RGS17: variants seen among roughly 807,000 people sequenced by gnomAD.
RGS17 encodes regulator of G-protein signaling 17.
A neutral mutation model predicts 25.5 loss-of-function variants in RGS17; 12 were observed. That is an observed-to-expected ratio of 0.47 (90% CI 0.30 to 0.76). The LOEUF (loss-of-function observed/expected upper bound fraction) is 0.76. Among genes scored for constraint, RGS17 ranks in the 30% least tolerant of loss-of-function variants. The probability of loss-of-function intolerance (pLI) is 0.07; values close to 1 mark genes in which losing one functional copy is unlikely to be tolerated. For missense variants in RGS17, 196 were observed against 242.2 expected (o/e 0.81, Z 1.27); for synonymous variants, 71 against 76.9 (o/e 0.92, Z 0.40).
intron 2 of RGS17, among the ~76,000 whole-genome samples, chr6:153,039,193 G>A (rs144326306): frequency 6.6e-6 from 1 of 152,164 alleles, no homozygotes; most frequent in Non-Finnish European, 1.5e-5. Context: ...AACGGGACTA[G>A]ACATTCAGAG....
At chr6:153,115,911 C>T (rs1334549766) in intron 1 of RGS17, among the ~76,000 whole-genome samples, 1 of 152,124 alleles carries the variant, frequency 6.6e-6, no homozygotes, top group Non-Finnish European at 1.5e-5. Flanking sequence ...ACACCTTATA[C>T]AAAAATTAAC....
chr6:153,055,417 C>A (rs945951811), intron 1 of RGS17, among the ~76,000 whole-genome samples: 1 of 152,106 alleles, frequency 6.6e-6, no homozygotes, highest in East Asian at 1.9e-4. Context: ...ATGTGGAGGT[C>A]AATTCTTTTT....
chr6:153,097,976 C>T (rs539612574), intron 1 of RGS17, among the ~76,000 whole-genome samples: 4 of 152,266 alleles, frequency 2.6e-5, no homozygotes, highest in African/African-American at 9.6e-5. Context: ...ATTCTTCTCA[C>T]TCCTCATTGC....
intron 1 of RGS17, among the ~76,000 whole-genome samples, chr6:153,081,084 TG>T (rs1776972482): frequency 6.6e-6 from 1 of 152,164 alleles, no homozygotes; most frequent in African/African-American, 2.4e-5. Context: ...CTGCTGCATT[TG>T]GATGCAGTGT....
At chr6:153,102,557 G>A (rs932928306) in intron 1 of RGS17, among the ~76,000 whole-genome samples, 2 of 152,114 alleles carry the variant, frequency 1.3e-5, no homozygotes, top group African/African-American at 2.4e-5. Context: ...TGGATCATGG[G>A]GGCAGCTTCC....
rs1777771840 is a variant in RGS17 at position 153,130,534 on chromosome 6, A to C, written c.-26+590T>G. 6.6e-6 allele frequency among the ~76,000 whole-genome samples: 1 copy of C among 151,956 alleles called. No homozygotes were observed. Among genetic ancestry groups the C allele is most frequent in the Non-Finnish European group, 1.5e-5 (1 of 67,976 alleles). On this transcript the variant is annotated intron_variant, in intron 1 of 4. Transcript: ENST00000206262. This position sits in a 1 kb window ranked among gnomAD's most constrained non-coding sequence, Gnocchi z 6.4. The stretch of plus-strand genomic sequence containing the variant: ...CCCCTCCGGTATTTTACTGCTGGTC[A>C]AAGGATTCATTTTCGCAACCTCTTC...
At chr6:153,065,629 T>C (rs1408155318) in intron 1 of RGS17, among the ~76,000 whole-genome samples, 1 of 152,138 alleles carries the variant, frequency 6.6e-6, no homozygotes, top group African/African-American at 2.4e-5. Context: ...ACAAGAGGAA[T>C]TTTGGAAACT....
At chr6:153,054,842 G>T (rs1159152432) in intron 1 of RGS17, among the ~76,000 whole-genome samples, 2 of 151,954 alleles carry the variant, frequency 1.3e-5, no homozygotes, top group Admixed American at 6.6e-5. Flanking sequence ...CCTACTCATT[G>T]ATTTCCTTTG....
intron 1 of RGS17, among the ~76,000 whole-genome samples, chr6:153,084,237 T>C (rs939760360): frequency 6.6e-6 from 1 of 152,200 alleles, no homozygotes; most frequent in Non-Finnish European, 1.5e-5. Context: ...TTCTCTACAG[T>C]TGCTCCATTT....
intron 1 of RGS17, among the ~76,000 whole-genome samples, chr6:153,092,004 T>A (rs1407017210): frequency 6.6e-6 from 1 of 152,172 alleles, no homozygotes; most frequent in Non-Finnish European, 1.5e-5. Flanking sequence ...TTGGGAAAAC[T>A]AGTAGAAATG....
chr6:153,120,190 C>T (rs1248874554), intron 1 of RGS17, among the ~76,000 whole-genome samples: 1 of 152,220 alleles, frequency 6.6e-6, no homozygotes, highest in African/African-American at 2.4e-5. Flanking sequence ...TAAGATCATA[C>T]TTGTTACTTC....
intron 1 of RGS17, among the ~76,000 whole-genome samples, chr6:153,091,362 G>A (rs1269653180): frequency 2.0e-5 from 3 of 152,166 alleles, no homozygotes; most frequent in Admixed American, 1.3e-4. Context: ...ATTTTGCCAA[G>A]TGTAAACACA....
intron 1 of RGS17, among the ~76,000 whole-genome samples, chr6:153,072,698 C>T (rs1458294659): frequency 6.6e-6 from 1 of 152,214 alleles, no homozygotes; most frequent in Admixed American, 6.5e-5. Context: ...GTAGAGGCCT[C>T]ATGCCCTGAA....
At chr6:153,035,148 T>C (rs1776222382) in intron 2 of RGS17, among the ~76,000 whole-genome samples, 1 of 43,150 alleles carries the variant, frequency 2.3e-5, no homozygotes, top group African/African-American at 1.5e-4. Flanking sequence ...AGCAAGACTC[T>C]CTCACAAAAA....
chr6:153,104,192 TAATTC>T (rs1777346954), intron 1 of RGS17, among the ~76,000 whole-genome samples: 1 of 152,244 alleles, frequency 6.6e-6, no homozygotes, highest in Non-Finnish European at 1.5e-5. Context: ...AAACTCATCT[TAATTC>T]AATGTTGTTT....
intron 4 of RGS17, among the ~76,000 whole-genome samples, chr6:153,023,614 C>A (rs944463757): frequency 2.6e-5 from 4 of 152,244 alleles, no homozygotes; most frequent in Non-Finnish European, 2.9e-5. Flanking sequence ...GGGAAAGACA[C>A]TTGCACTTTC....
intron 2 of RGS17, among the ~76,000 whole-genome samples, chr6:153,039,948 G>A (rs1387293662): frequency 6.6e-6 from 1 of 152,212 alleles, no homozygotes; most frequent in Non-Finnish European, 1.5e-5. Flanking sequence ...ACTATCTGAA[G>A]AAACGAGACA....
intron 1 of RGS17, among the ~76,000 whole-genome samples, chr6:153,072,611 C>T (rs780314077): frequency 6.6e-6 from 1 of 152,186 alleles, no homozygotes; most frequent in Non-Finnish European, 1.5e-5. Context: ...GTCAAGAATT[C>T]CTAGGCAACA....
chr6:153,084,128 G>A lies in RGS17; in HGVS notation c.-25-40085C>T, dbSNP rs149676041. Among the ~76,000 whole-genome samples the A allele has an allele frequency of 6.0e-4, 92 of 152,216 alleles. 1 individual carries two copies. The highest frequency in any genetic ancestry group is 2.1e-3 in the African/African-American group (88 of 41,532). On this transcript the variant is annotated intron_variant, in intron 1 of 4. Transcript: ENST00000206262. ...GGAGAATTGGTCTTCTGGCATACAA[G>A]GTAGTAGAAGGATTTGGTTACTCAA...
Sources: allele counts gnomAD v4.1 joint callset (sites outside exome capture counted in the v4.1 genomes callset), GRCh38; gene constraint gnomAD v4.1.1; non-coding constraint Gnocchi (gnomAD v3.1); transcripts MANE v1.5; gene names NCBI Gene and HGNC (gene_info 2026-07-23, HGNC 2026-07-21).